KIAA1217: variants seen among roughly 807,000 people sequenced by gnomAD.
The protein encoded by KIAA1217 is sickle tail protein homolog.
Under a neutral mutation model 163.9 loss-of-function variants are expected in KIAA1217, and 88 were observed. That is an observed-to-expected ratio of 0.54 (90% confidence interval 0.45 to 0.64). The LOEUF (loss-of-function observed/expected upper bound fraction) is 0.64. KIAA1217 is among the 30% of genes least tolerant of loss of function. The pLI, the probability that KIAA1217 is intolerant of heterozygous loss-of-function variation, is 0.00. For synonymous variants in KIAA1217, 903 were observed against 923.1 expected (o/e 0.98, Z 0.39); for missense variants, 2,372 against 2,475.0 (o/e 0.96, Z 0.88).
chr10:24,065,281 G>C (rs1472008751), intron 2 of KIAA1217, among the ~76,000 whole-genome samples: 1 of 152,100 alleles, frequency 6.6e-6, no homozygotes, highest in Admixed American at 6.5e-5. Context: ...TGGGCATTTA[G>C]TGCTATAAAT....
intron 1 of KIAA1217, among the ~76,000 whole-genome samples, chr10:23,701,017 G>A (rs1002490497): frequency 6.6e-6 from 1 of 152,060 alleles, no homozygotes; most frequent in Admixed American, 6.6e-5. Context: ...ATAAATAAAT[G>A]GGAATAAAAT....
chr10:24,545,597 C>T (rs943229450), intron 20 of KIAA1217: 4 of 1,380,616 alleles, frequency 2.9e-6, no homozygotes, highest in South Asian at 3.8e-5. Context: ...TGGGACTCCT[C>T]TCACAAATGT....
chr10:24,159,926 A>G (rs985323083), intron 2 of KIAA1217, among the ~76,000 whole-genome samples: 3 of 152,162 alleles, frequency 2.0e-5, no homozygotes, highest in African/African-American at 7.2e-5. Flanking sequence ...TCCTTCTTTG[A>G]TATCTAATTG....
chr10:24,183,628 T>C (rs2131957208), intron 2 of KIAA1217, among the ~76,000 whole-genome samples: 1 of 152,316 alleles, frequency 6.6e-6, no homozygotes, highest in East Asian at 1.9e-4. Flanking sequence ...GTATGAGAAA[T>C]CCTTCCACAC....
At position 24,473,831 on chromosome 10, in the gene KIAA1217, A is replaced by G. The variant is rs139061769; in HGVS notation, c.1450A>G (p.Ile484Val). The change falls in exon 6 of 21, where the codon ATA becomes GTA. Residue 484 changes from isoleucine to valine, a missense_variant. Coordinates refer to ENST00000376454, the MANE Select transcript of KIAA1217 (RefSeq NM_019590.5). ...SPHRVSDLRMIDMHAHYNAHG... is the reference protein window; with the variant it reads ...SPHRVSDLRMVDMHAHYNAHG... ...TCACAGAGTCAGTGACCTGAGGATG[A>G]TAGACATGCACGCTCACTATAATGC... 3.3e-5 allele frequency: 53 copies of G among 1,614,146 alleles called. No homozygotes were observed. The African/African-American group carries it at 6.9e-4, about 21-fold the overall frequency.
chr10:24,328,721 A>G (rs1278043484), intron 2 of KIAA1217, among the ~76,000 whole-genome samples: 1 of 152,078 alleles, frequency 6.6e-6, no homozygotes, highest in Non-Finnish European at 1.5e-5. Flanking sequence ...TATAAATTTT[A>G]TCTCATACTT....
In KIAA1217 at chr10:24,046,651, G is replaced by A. The variant is rs555459495; in HGVS notation, c.-171+39277G>A. The stretch of plus-strand genomic sequence containing the variant: ...TCACTATCACAAGAAAAACAAGGGA[G>A]AAATCCACCCCCATGATTCAGTCAC... On this transcript the variant is annotated intron_variant, in intron 2 of 18. Coordinates refer to the KIAA1217 transcript ENST00000376462. Among the ~76,000 whole-genome samples, 18 of 152,194 alleles carry A rather than the reference G, an allele frequency of 1.2e-4. No individual in the cohort carries two copies. The South Asian group carries it at 1.4e-3, about 12-fold the overall frequency.
At chr10:24,409,997 C>CTTTTTTTTTTTT (rs71397947) in intron 3 of KIAA1217, among the ~76,000 whole-genome samples, 10 of 123,870 alleles carry the variant, frequency 8.1e-5, no homozygotes, top group East Asian at 4.6e-4. Context: ...TTTCTTTTTT[C>CTTTTTTTTTTTT]TTTTTTTTTT....
Position 24,524,322 on chromosome 10 carries a change from G to C in KIAA1217, c.2457-1G>C. The C allele has an allele frequency of 1.2e-6, 2 of 1,607,820 alleles. No homozygotes were observed. Among genetic ancestry groups the C allele is most frequent in the South Asian group, 1.1e-5 (1 of 90,978 alleles). On this transcript the variant is annotated splice_acceptor_variant, in intron 12 of 20. Transcript: ENST00000376454. LOFTEE classifies it high-confidence loss of function. ...ATGCCGCTGTGCATGGTTTCTCCTA[G>C]ACATGTCACTGATGGGCTCCTGAAA...
At chr10:24,180,242 C>A (rs916342744) in intron 2 of KIAA1217, among the ~76,000 whole-genome samples, 2 of 150,104 alleles carry the variant, frequency 1.3e-5, no homozygotes. Flanking sequence ...TCAGGTCCTT[C>A]CCTATCTTTC....
At chr10:24,151,530 C>T (rs190288183) in intron 2 of KIAA1217, among the ~76,000 whole-genome samples, 13 of 149,086 alleles carry the variant, frequency 8.7e-5, no homozygotes, top group East Asian at 7.9e-4. Context: ...TCATACACGG[C>T]GTTGTAAGAA....
At chr10:24,047,746 C>G (rs542786677) in intron 2 of KIAA1217, among the ~76,000 whole-genome samples, 1 of 152,268 alleles carries the variant, frequency 6.6e-6, no homozygotes, top group African/African-American at 2.4e-5. Flanking sequence ...TCAACATTGT[C>G]CACCTCTATA....
chr10:24,159,376 C>T (rs2065016180), intron 2 of KIAA1217, among the ~76,000 whole-genome samples: 1 of 152,100 alleles, frequency 6.6e-6, no homozygotes, highest in African/African-American at 2.4e-5. Context: ...ACACTTTGCA[C>T]AACAGTTTGG....
At chr10:24,454,367 T>C (rs1592076050) in intron 5 of KIAA1217, among the ~76,000 whole-genome samples, 1 of 152,248 alleles carries the variant, frequency 6.6e-6, no homozygotes, top group Non-Finnish European at 1.5e-5. Context: ...ATGTATTTGA[T>C]TTCTTTCCTT....
At chr10:24,082,594 C>T (rs58198942) in intron 2 of KIAA1217, among the ~76,000 whole-genome samples, 12,049 of 152,152 alleles carry the variant, frequency 0.079, 653 homozygotes, top group Middle Eastern at 0.17. Context: ...TTTATAGCTG[C>T]GTAGTATTCT....
intron 2 of KIAA1217, among the ~76,000 whole-genome samples, chr10:24,086,055 C>G (rs2061689636): frequency 6.6e-6 from 1 of 151,992 alleles, no homozygotes; most frequent in Non-Finnish European, 1.5e-5. Flanking sequence ...CCCCACCACA[C>G]AGAAACACCC....
At chr10:24,531,218 TA>T (rs2073070464) in intron 14 of KIAA1217, among the ~76,000 whole-genome samples, 1 of 152,044 alleles carries the variant, frequency 6.6e-6, no homozygotes, top group Non-Finnish European at 1.5e-5. Context: ...TAAAAAAAAT[TA>T]AAAAATTTGT....
chr10:23,768,009 C>A (rs994947471), intron 1 of KIAA1217, among the ~76,000 whole-genome samples: 3 of 152,198 alleles, frequency 2.0e-5, no homozygotes, highest in African/African-American at 7.2e-5. Context: ...AGGGCCAGGC[C>A]ATGCCCAAGC....
chr10:23,789,949 A>G (rs534899505), intron 1 of KIAA1217, among the ~76,000 whole-genome samples: 5 of 95,486 alleles, frequency 5.2e-5, no homozygotes, highest in East Asian at 5.3e-4. Context: ...ATACATATAC[A>G]TGTATATATA....
Sources: gnomAD v4.1 joint callset for allele counts (sites outside exome capture counted in the v4.1 genomes callset) on GRCh38, gnomAD v4.1.1 for gene constraint, MANE v1.5 for transcripts, NCBI Gene and HGNC (gene_info 2026-07-23, HGNC 2026-07-21) for gene names.